LY96: variants seen among roughly 807,000 people sequenced by gnomAD.
The protein encoded by LY96 is myeloid differentiation protein-2.
Under a neutral mutation model 18.9 loss-of-function variants are expected in LY96, and 18 were observed. The observed-to-expected ratio is 0.95, with a 90% CI of 0.66 to 1.41. The LOEUF is 1.41. LY96 is among the 40% of genes most tolerant of loss of function. The pLI, the probability that LY96 is intolerant of heterozygous loss-of-function variation, is 0.00. For missense variants in LY96, 175 were observed against 182.4 expected, an observed-to-expected ratio of 0.96 and a Z score of 0.23; for synonymous variants, 66 against 62.6, an observed-to-expected ratio of 1.06 and a Z score of -0.26.
chr8:74,023,426 G>A (rs879779209), intron 3 of LY96, among the ~76,000 whole-genome samples: 1 of 152,228 alleles, frequency 6.6e-6, no homozygotes, highest in Non-Finnish European at 1.5e-5. Context: ...TGCGTTGAGA[G>A]TCACTGTTGA....
chr8:74,099,787 C>CAG, the LY96 span: 1 of 152,170 alleles, frequency 6.6e-6, no homozygotes, highest in East Asian at 1.9e-4. Flanking sequence ...CTACACTTCC[C>CAG]AGCCTCTGGG....
At chr8:74,024,752 C>T (rs754019600) in intron 3 of LY96, among the ~76,000 whole-genome samples, 2 of 152,110 alleles carry the variant, frequency 1.3e-5, no homozygotes, top group African/African-American at 4.8e-5. Context: ...TTTCTCATTG[C>T]ATATTGTATT....
At chr8:74,091,009 A>G in the LY96 span, among the ~76,000 whole-genome samples, 6 of 152,328 alleles carry the variant, frequency 3.9e-5, no homozygotes, top group East Asian at 7.7e-4. Context: ...TCGTCAATAT[A>G]TGTCTATTTT....
the LY96 span, among the ~76,000 whole-genome samples, chr8:74,037,260 A>G: frequency 1.3e-5 from 2 of 152,202 alleles, no homozygotes; most frequent in South Asian, 4.1e-4. Context: ...ATTTCTGTGG[A>G]CAATCATCTG....
At chr8:74,068,089 A>T in the LY96 span, among the ~76,000 whole-genome samples, 11,436 of 60,730 alleles carry the variant, frequency 0.19, 1,152 homozygotes, top group African/African-American at 0.34. Context: ...AAAAAAAAAA[A>T]ATATATATAT....
intron 2 of LY96, 79 bp downstream of exon 2, chr8:74,004,964 T>C: frequency 1.4e-6 from 2 of 1,447,262 alleles, no homozygotes; most frequent in African/African-American, 1.4e-5. Context: ...GTTTCAAATA[T>C]ACTTGTATTC....
the LY96 span, among the ~76,000 whole-genome samples, chr8:74,059,921 T>C: frequency 6.6e-6 from 1 of 152,234 alleles, no homozygotes; most frequent in Non-Finnish European, 1.5e-5. Context: ...GTGGTAGCAC[T>C]TGAGCTCAGG....
At chr8:74,091,223 T>G in the LY96 span, among the ~76,000 whole-genome samples, 7 of 152,210 alleles carry the variant, frequency 4.6e-5, no homozygotes, top group African/African-American at 1.4e-4. Context: ...TTCCTCCAGC[T>G]GTGGGCTGTC....
chr8:74,065,382 A>G, the LY96 span, among the ~76,000 whole-genome samples: 1 of 152,234 alleles, frequency 6.6e-6, no homozygotes, highest in Admixed American at 6.5e-5. Flanking sequence ...TTTCATCAAC[A>G]GGCTTCAGCT....
chr8:74,081,709 A>G, the LY96 span, among the ~76,000 whole-genome samples: 1 of 151,844 alleles, frequency 6.6e-6, no homozygotes, highest in Non-Finnish European at 1.5e-5. Context: ...GCTGGAGTGC[A>G]GTGGCATGAT....
chr8:74,014,793 AC>A (rs960184760), intron 3 of LY96, among the ~76,000 whole-genome samples: 4 of 150,924 alleles, frequency 2.7e-5, no homozygotes, highest in African/African-American at 9.8e-5. Context: ...AGTAAAAGTT[AC>A]CCATAATCTC....
chr8:74,098,460 C>A, the LY96 span, among the ~76,000 whole-genome samples: 1 of 152,158 alleles, frequency 6.6e-6, no homozygotes, highest in Non-Finnish European at 1.5e-5. Flanking sequence ...AGTGCAACCT[C>A]CGCCTCCTGG....
chr8:74,038,281 G>C, the LY96 span, among the ~76,000 whole-genome samples: 2 of 151,990 alleles, frequency 1.3e-5, no homozygotes, highest in Non-Finnish European at 2.9e-5. Context: ...CCAAATATTA[G>C]GTATTACTCA....
chr8:73,991,532 A>G lies in LY96; in HGVS notation c.90A>G (p.Ala30=). 6.2e-7 allele frequency: 1 copy of G among 1,607,736 alleles called. No homozygotes were observed. The highest frequency in any genetic ancestry group is 8.5e-7 in the Non-Finnish European group (1 of 1,174,202). Residue 30 remains alanine, a synonymous_variant, in exon 1 of 5, where the codon GCA becomes GCG. Transcript: ENST00000284818. ...KQYWVCNSSD[A]SISYTYCDKM... ...ATTGGGTCTGCAACTCATCCGATGCAAGTATTTCATACACCTACTGTGGTA... is the reference window on the plus strand; with the variant it reads ...ATTGGGTCTGCAACTCATCCGATGCGAGTATTTCATACACCTACTGTGGTA...
the LY96 span, among the ~76,000 whole-genome samples, chr8:74,071,603 A>T: frequency 0.025 from 3,739 of 152,314 alleles, 128 homozygotes; most frequent in African/African-American, 0.083. Context: ...AAAATTTTCT[A>T]TCTACCAGTG....
the LY96 span, among the ~76,000 whole-genome samples, chr8:74,081,549 A>G: frequency 6.6e-6 from 1 of 151,650 alleles, no homozygotes; most frequent in Admixed American, 6.6e-5. Flanking sequence ...GTGAGCCATC[A>G]TGCCTAGCTA....
chr8:74,049,643 A>G, the LY96 span, among the ~76,000 whole-genome samples: 1 of 152,236 alleles, frequency 6.6e-6, no homozygotes, highest in Non-Finnish European at 1.5e-5. Flanking sequence ...GAGGAGTGAA[A>G]TAGATACTTG....
the LY96 span, among the ~76,000 whole-genome samples, chr8:74,069,577 T>C: frequency 7.8e-6 from 1 of 128,848 alleles, no homozygotes; most frequent in East Asian, 2.0e-4. Context: ...AGCCAATCAA[T>C]TTATTTATTT....
At chr8:74,088,348 T>C in the LY96 span, among the ~76,000 whole-genome samples, 1 of 152,200 alleles carries the variant, frequency 6.6e-6, no homozygotes, top group South Asian at 2.1e-4. Context: ...CACCTCTTTG[T>C]CTATGTCCAG....
Sources: allele counts gnomAD v4.1 joint callset (sites outside exome capture counted in the v4.1 genomes callset), GRCh38; gene constraint gnomAD v4.1.1; transcripts MANE v1.5; gene names NCBI Gene and HGNC (gene_info 2026-07-23, HGNC 2026-07-21).